The following PSORS1C1 variants were observed in gnomAD, a reference collection of about 807,000 sequenced individuals.
The protein encoded by PSORS1C1 is psoriasis susceptibility 1 candidate gene 1 protein.
PSORS1C1 carries 7 observed loss-of-function variants against 9.4 expected under a neutral mutation model. That is an observed-to-expected ratio of 0.75 (90% CI 0.42 to 1.40). The LOEUF is 1.40. Ranked by LOEUF, PSORS1C1 falls within the 40% of genes most tolerant of loss-of-function variation. The pLI is 0.01. For synonymous variants in PSORS1C1, 63 were observed against 69.4 expected (o/e 0.91, Z 0.46); for missense variants, 146 against 178.1 (o/e 0.82, Z 1.02).
intron 1 of PSORS1C1, among the ~76,000 whole-genome samples, chr6:31,122,221 C>T (rs1772493266): frequency 6.6e-6 from 1 of 152,178 alleles, no homozygotes; most frequent in South Asian, 2.1e-4. Flanking sequence ...TTTTTGTGAA[C>T]ATCAAATGGG....
chr6:31,116,363 C>T (rs1379098316), intron 1 of PSORS1C1: 2 of 1,611,064 alleles, frequency 1.2e-6, no homozygotes, highest in Admixed American at 1.7e-5. Flanking sequence ...CTCTGGGAAG[C>T]ACTGCCGCAG....
At chr6:31,137,876 T>G in intron 3 of PSORS1C1, 1 of 647,434 alleles carries the variant, frequency 1.5e-6, no homozygotes, top group East Asian at 3.1e-5. Flanking sequence ...TGGGAAGAAT[T>G]CACGGGGAAT....
chr6:31,139,770 A>G lies in PSORS1C1; in HGVS notation c.297A>G (p.Ser99=), dbSNP rs780216604. The G allele has an allele frequency of 1.2e-5, 19 of 1,612,980 alleles. No homozygotes were observed. The highest frequency in any genetic ancestry group is 1.6e-4 in the Middle Eastern group (1 of 6,084). The change falls in exon 6 of 6, where the codon TCA becomes TCG. Residue 99 remains serine, a synonymous_variant. Coordinates refer to ENST00000259881, the MANE Select transcript of PSORS1C1 (RefSeq NM_014068.3). The surrounding 1 kb of genome is among the most constrained non-coding windows in gnomAD (Gnocchi z 5.2). ...VPSSHPELFA[S]VLPMAPEEAA... is the part of the protein sequence containing the mutation. ...CTTCCCACCCAGAGCTGTTTGCATC[A>G]GTCCTGCCAATGGCTCCGGAAGAAG...
At chr6:31,133,812 C>T (rs995266297) in intron 3 of PSORS1C1, 2 of 152,166 alleles carry the variant, frequency 1.3e-5, no homozygotes, top group African/African-American at 2.4e-5. Flanking sequence ...ACCCGGCATT[C>T]GTGGACACAT....
intron 1 of PSORS1C1, chr6:31,117,567 G>T: frequency 6.6e-7 from 1 of 1,523,304 alleles, no homozygotes; most frequent in Non-Finnish European, 8.9e-7. Flanking sequence ...GGCCAAGGAG[G>T]CTTGGCTTCC....
chr6:31,117,318 C>A, intron 1 of PSORS1C1: 1 of 1,581,670 alleles, frequency 6.3e-7, no homozygotes, highest in Admixed American at 1.8e-5. Context: ...CAGAACCACC[C>A]TGGGCAATGC....
chr6:31,138,419 C>G lies in PSORS1C1; in HGVS notation c.14-11C>G. 1 of 1,611,280 alleles carries G rather than the reference C, an allele frequency of 6.2e-7. No individual in the cohort carries two copies. Among genetic ancestry groups the G allele is most frequent in the Non-Finnish European group, 8.5e-7 (1 of 1,179,382 alleles). ...TCTGGATGGACGCAGCCTGAACTGA[C>G]CCACAAACAGACCAAAAAAGTCACT... On this transcript the variant is annotated splice_polypyrimidine_tract_variant and intron_variant, in intron 3 of 5. Transcript: ENST00000259881.
chr6:31,117,151 G>T (rs201863437), intron 1 of PSORS1C1: 6 of 1,607,220 alleles, frequency 3.7e-6, no homozygotes, highest in Non-Finnish European at 5.1e-6. Context: ...GCTGCTGCTC[G>T]AATGAGAGCT....
At chr6:31,116,886 G>A (rs1243660420) in intron 1 of PSORS1C1, 1 of 1,613,944 alleles carries the variant, frequency 6.2e-7, no homozygotes, top group Non-Finnish European at 8.5e-7. Context: ...ACACAGAGTG[G>A]GAGCTGGGGA....
In PSORS1C1 at chr6:31,115,026, T is replaced by C. The variant is rs1772030130; in HGVS notation, c.-229+135T>C. On this transcript the variant is annotated intron_variant, in intron 1 of 5. Coordinates refer to ENST00000259881, the MANE Select transcript of PSORS1C1 (RefSeq NM_014068.3). This position sits in a 1 kb window ranked among gnomAD's most constrained non-coding sequence, Gnocchi z 4.2. Reference sequence around the variant, plus strand: ...GAATGAGGAATGGGAAGAGAATGGATTTCCTGGAGCAATGAGAGAGGAGGG... The same window carrying C: ...GAATGAGGAATGGGAAGAGAATGGACTTCCTGGAGCAATGAGAGAGGAGGG... The C allele has an allele frequency of 2.6e-6, 1 of 382,798 alleles. No homozygotes were observed. The highest frequency in any genetic ancestry group is 5.2e-6 in the Non-Finnish European group (1 of 193,848). The allele number at this position is 382,798 out of a possible 1,614,324, so 23.7% of individuals were successfully genotyped here.
intron 1 of PSORS1C1, chr6:31,120,571 G>A: frequency 1.4e-6 from 1 of 706,036 alleles, no homozygotes; most frequent in Non-Finnish European, 2.5e-6. Flanking sequence ...GTGGCCGGGA[G>A]GAGCGTGGTA....
intron 5 of PSORS1C1, 156 bp downstream of exon 5, chr6:31,138,935 C>T (rs1773310031): frequency 6.2e-7 from 1 of 1,610,358 alleles, no homozygotes; most frequent in African/African-American, 1.3e-5. Flanking sequence ...TCCCTCATCA[C>T]CCCAAACTGC....
At chr6:31,117,755 A>T (rs773472981) in intron 1 of PSORS1C1, 29 of 578,938 alleles carry the variant, frequency 5.0e-5, no homozygotes, top group African/African-American at 7.5e-5. Flanking sequence ...CACCAACCAG[A>T]AAAATAGAAA....
intron 4 of PSORS1C1, 48 bp from the exon 5 acceptor site, chr6:31,138,608 T>C: frequency 6.2e-7 from 1 of 1,612,508 alleles, no homozygotes; most frequent in Non-Finnish European, 8.5e-7. Flanking sequence ...ACTAGCTTTG[T>C]CCTCAGGCCA....
chr6:31,129,932 G>C (rs1397791470), intron 3 of PSORS1C1, among the ~76,000 whole-genome samples: 1 of 152,014 alleles, frequency 6.6e-6, no homozygotes, highest in East Asian at 1.9e-4. Context: ...TCTTCTTTAA[G>C]AATTTCTCTT....
intron 3 of PSORS1C1, among the ~76,000 whole-genome samples, chr6:31,133,894 G>T (rs1168777945): frequency 6.6e-6 from 1 of 152,194 alleles, no homozygotes; most frequent in Non-Finnish European, 1.5e-5. Context: ...ATTCTACTAG[G>T]CTCAACCTAC....
rs766209931 is a variant in PSORS1C1, at chr6:31,140,032, C to T, written c.*100C>T. ...AACATGTCCAAAATAAAATTTGATT[C>T]CTCCCAGGTTGTTCCCTGCCTGGTC... On this transcript the variant is annotated 3_prime_UTR_variant, in exon 6 of 6. Transcript: ENST00000259881. The surrounding 1 kb of genome is among the most constrained non-coding windows in gnomAD (Gnocchi z 4.6). The T allele has an allele frequency of 9.2e-6, 11 of 1,199,264 alleles. No homozygotes were observed. The highest frequency in any genetic ancestry group is 1.3e-5 in the Non-Finnish European group (11 of 837,714). 74.3% of individuals were successfully genotyped at this position (1,199,264 alleles called of 1,614,324 possible).
chr6:31,119,855 G>A (rs1354793655), intron 1 of PSORS1C1, among the ~76,000 whole-genome samples: 8 of 152,062 alleles, frequency 5.3e-5, no homozygotes, highest in Non-Finnish European at 7.4e-5. Context: ...GCAGTGAGCC[G>A]AGATTACGCC....
intron 2 of PSORS1C1, among the ~76,000 whole-genome samples, chr6:31,127,927 G>A (rs1316594333): frequency 6.6e-6 from 1 of 152,212 alleles, no homozygotes; most frequent in Admixed American, 6.5e-5. Context: ...TACCTTGTAA[G>A]CATCTGTGTA....
Sources: gnomAD v4.1 joint callset for allele counts (sites outside exome capture counted in the v4.1 genomes callset) on GRCh38, gnomAD v4.1.1 for gene constraint, Gnocchi (gnomAD v3.1) non-coding constraint, MANE v1.5 for transcripts, NCBI Gene and HGNC (gene_info 2026-07-23, HGNC 2026-07-21) for gene names.